AK7: variants seen among roughly 807,000 people sequenced by gnomAD.
The protein encoded by AK7 is ATP-AMP transphosphorylase 7.
In AK7, 78 loss-of-function variants were observed where a neutral mutation model predicts 96.6. The ratio of observed to expected loss-of-function variants is 0.81; its 90% confidence interval spans 0.67 to 0.97. The LOEUF (loss-of-function observed/expected upper bound fraction) is 0.97. Among genes scored for constraint, AK7 ranks in the 50% least tolerant of loss-of-function variants. The pLI, the probability that AK7 is intolerant of heterozygous loss-of-function variation, is 0.00. For synonymous variants in AK7, 302 were observed against 317.2 expected (o/e 0.95, Z 0.51); for missense variants, 855 against 887.9 (o/e 0.96, Z 0.47).
intron 12 of AK7, among the ~76,000 whole-genome samples, chr14:96,461,987 C>T (rs1894276704): frequency 6.6e-6 from 1 of 152,294 alleles, no homozygotes; most frequent in East Asian, 1.9e-4. Context: ...GAGCTCTTTT[C>T]ACGCTTGGGG....
At chr14:96,427,943 G>A (rs1033889997) in intron 5 of AK7, among the ~76,000 whole-genome samples, 1 of 152,114 alleles carries the variant, frequency 6.6e-6, no homozygotes, top group Non-Finnish European at 1.5e-5. Context: ...AAGTTTGCCT[G>A]TAGAGAGCTT....
Position 96,478,517 on chromosome 14 carries a change from A to G in AK7, c.1608A>G (p.Ile536Met). 1 of 1,614,198 alleles carries G rather than the reference A, an allele frequency of 6.2e-7. No homozygotes were observed. The highest frequency in any genetic ancestry group is 8.5e-7 in the Non-Finnish European group (1 of 1,180,042). The change falls in exon 15 of 18, where the codon ATA becomes ATG. Residue 536 changes from isoleucine (I) to methionine (M), a missense_variant. Physicochemically the swap from Ile to Met is conservative, Grantham distance 10. Coordinates refer to ENST00000267584, the MANE Select transcript of AK7 (RefSeq NM_152327.5). ...ASDEFLKERV[I>M]NLPESIVAGT... is the part of the protein sequence containing the mutation. Reference sequence around the variant, plus strand: ...ATGAGTTTCTGAAGGAGCGTGTGATAAACCTTCCTGAGAGCATCGTGGCGG... The same window carrying G: ...ATGAGTTTCTGAAGGAGCGTGTGATGAACCTTCCTGAGAGCATCGTGGCGG...
At position 96,478,201 on chromosome 14, in the gene AK7, G is replaced by C. The variant is rs555040697; in HGVS notation, c.1556-264G>C. Among the ~76,000 whole-genome samples, 26 of 141,288 alleles carry C rather than the reference G, an allele frequency of 1.8e-4. No individual in the cohort carries two copies. In the South Asian group the frequency reaches 6.6e-3, roughly 36 times the overall value. The allele number at this position is 141,288 out of a possible 152,430, so 92.7% of individuals were successfully genotyped here. ...CAGAGGGAGGGCGGGGGAAGGGAGG[G>C]AGGAAGGAAGGAAGAGAGGGAGGGG... On this transcript the variant is annotated intron_variant, in intron 14 of 17. Coordinates refer to ENST00000267584, the MANE Select transcript of AK7 (RefSeq NM_152327.5).
intron 16 of AK7, among the ~76,000 whole-genome samples, chr14:96,483,628 G>C (rs975155010): frequency 2.0e-5 from 3 of 151,850 alleles, no homozygotes; most frequent in African/African-American, 7.3e-5. Context: ...CACCATGTTG[G>C]CCAGCCAGGC....
intron 3 of AK7, among the ~76,000 whole-genome samples, chr14:96,406,493 T>C (rs187002325): frequency 1.3e-5 from 2 of 152,336 alleles, no homozygotes; most frequent in East Asian, 3.9e-4. Flanking sequence ...AACTTTTAGC[T>C]GAATTACTTC....
intron 8 of AK7, among the ~76,000 whole-genome samples, chr14:96,449,190 G>A (rs1893431205): frequency 6.6e-6 from 1 of 152,050 alleles, no homozygotes; most frequent in South Asian, 2.1e-4. Context: ...GCTTAAGGGT[G>A]AAGATCTCAA....
Position 96,408,925 on chromosome 14 carries a change from C to T in AK7, c.482C>T (p.Ser161Phe), listed in dbSNP as rs1890880864. The change falls in exon 4 of 18, where the codon TCC becomes TTC. Residue 161 changes from serine to phenylalanine, a missense_variant. By Grantham distance (155) the Ser-to-Phe change is radical (BLOSUM62 -2). Transcript: ENST00000267584. ...LLSTVMTWAR[S>F]KALDPEDSEV... The stretch of plus-strand genomic sequence containing the variant: ...TCGACGGTGATGACTTGGGCGCGCT[C>T]CAAAGCCCTGGACCCCGTAAGTAGA... 1 of 1,614,208 alleles carries T rather than the reference C, an allele frequency of 6.2e-7. No homozygotes were observed.
intron 4 of AK7, among the ~76,000 whole-genome samples, chr14:96,418,663 C>T (rs549269693): frequency 1.8e-4 from 28 of 152,046 alleles, no homozygotes; most frequent in Non-Finnish European, 3.1e-4. Flanking sequence ...GGATTACAGG[C>T]ACCTGCCACC....
rs969591861 is a variant in AK7, at chr14:96,399,295, A to G, written c.294+1032A>G. ...TCAATAAACACTTGTGGAATGGACG[A>G]ATGCATCCCCTCCAGACATCTTTGG... On this transcript the variant is annotated intron_variant, in intron 2 of 17. Coordinates refer to ENST00000267584, the MANE Select transcript of AK7 (RefSeq NM_152327.5). The surrounding 1 kb of genome is among the most constrained non-coding windows in gnomAD (Gnocchi z 4.1). The G allele has an allele frequency of 1.3e-5, 2 of 152,230 alleles. No homozygotes were observed. The highest frequency in any genetic ancestry group is 4.8e-5 in the African/African-American group (2 of 41,430). 9.4% of individuals were successfully genotyped at this position (152,230 alleles called of 1,614,324 possible).
chr14:96,475,121 G>A (rs1025272808), intron 14 of AK7, among the ~76,000 whole-genome samples: 9 of 152,244 alleles, frequency 5.9e-5, no homozygotes, highest in African/African-American at 1.9e-4. Context: ...TGGACACAGT[G>A]CAAACACGTC....
At chr14:96,440,019 A>G (rs984688852) in intron 6 of AK7, among the ~76,000 whole-genome samples, 1 of 152,176 alleles carries the variant, frequency 6.6e-6, no homozygotes, top group African/African-American at 2.4e-5. Context: ...TCTTTCACCC[A>G]GGCTGGAGTG....
chr14:96,443,048 C>T (rs1893043901), intron 7 of AK7, among the ~76,000 whole-genome samples: 1 of 152,160 alleles, frequency 6.6e-6, no homozygotes, highest in South Asian at 2.1e-4. Flanking sequence ...AGGTTCATCT[C>T]TTAGAAACTA....
intron 1 of AK7, among the ~76,000 whole-genome samples, chr14:96,393,377 G>A (rs1203958669): frequency 6.6e-6 from 1 of 152,158 alleles, no homozygotes; most frequent in Non-Finnish European, 1.5e-5. Flanking sequence ...CTAGGGCTGT[G>A]GTAACCAATT....
At chr14:96,424,400 T>C (rs1279309008) in intron 5 of AK7, among the ~76,000 whole-genome samples, 3 of 152,242 alleles carry the variant, frequency 2.0e-5, no homozygotes, top group Admixed American at 1.3e-4. Flanking sequence ...TTCTCAGTGT[T>C]TTACTCATGG....
intron 10 of AK7, among the ~76,000 whole-genome samples, chr14:96,453,372 A>C (rs911723696): frequency 1.3e-5 from 2 of 152,234 alleles, no homozygotes; most frequent in African/African-American, 4.8e-5. Flanking sequence ...AGAATATGAT[A>C]GAAGGAATAG....
intron 5 of AK7, among the ~76,000 whole-genome samples, chr14:96,424,858 C>G (rs999607583): frequency 6.6e-6 from 1 of 152,238 alleles, no homozygotes; most frequent in East Asian, 1.9e-4. Context: ...ATTTCTTGAT[C>G]ATTTATGTTT....
chr14:96,394,108 C>CAA (rs111317791), intron 1 of AK7, among the ~76,000 whole-genome samples: 308 of 132,486 alleles, frequency 2.3e-3, no homozygotes, highest in African/African-American at 8.3e-3. Flanking sequence ...AACTCCATCT[C>CAA]AAAAAAAAAA....
chr14:96,478,553 C>G lies in AK7; in HGVS notation c.1644C>G (p.Tyr548Ter). Residue 548 changes from tyrosine (Y) to a stop codon, truncating the protein, a stop_gained, in exon 15 of 18, where the codon TAC becomes TAG. Coordinates refer to ENST00000267584, the MANE Select transcript of AK7 (RefSeq NM_152327.5). LOFTEE classifies it high-confidence loss of function. The stretch of plus-strand genomic sequence containing the variant: ...AGAGCATCGTGGCGGGGACCCACTA[C>G]AGCCAAGACCGATTCCTCCGGGCTC... ...LPESIVAGTH[Y>*]SQDRFLRALS... The G allele has an allele frequency of 6.2e-7, 1 of 1,614,204 alleles. No homozygotes were observed. The highest frequency in any genetic ancestry group is 1.7e-5 in the Admixed American group (1 of 60,030).
intron 4 of AK7, among the ~76,000 whole-genome samples, chr14:96,418,506 C>CTTTTTG (rs10702431): frequency 0.2 from 30,272 of 148,868 alleles, 3,353 homozygotes; most frequent in East Asian, 0.49. Flanking sequence ...CTCAGTAGGG[C>CTTTTTG]TTTTTGTTTT....
Sources: gnomAD v4.1 joint callset for allele counts (sites outside exome capture counted in the v4.1 genomes callset) on GRCh38, gnomAD v4.1.1 for gene constraint, Gnocchi (gnomAD v3.1) non-coding constraint, MANE v1.5 for transcripts, NCBI Gene and HGNC (gene_info 2026-07-23, HGNC 2026-07-21) for gene names.